CD86: variants seen among roughly 807,000 people sequenced by gnomAD.
CD86 encodes the protein T-lymphocyte activation antigen CD86.
CD86 carries 11 observed loss-of-function variants against 32.1 expected under a neutral mutation model. The observed-to-expected ratio is 0.34, with a 90% CI of 0.22 to 0.57. The LOEUF (loss-of-function observed/expected upper bound fraction) is 0.57. CD86 is among the 20% of genes least tolerant of loss of function. CD86 has a pLI of 0.86. For missense variants in CD86, 359 were observed against 398.4 expected (o/e 0.90, Z 0.84); for synonymous variants, 137 against 135.3 (o/e 1.01, Z -0.09).
chr3:122,065,809 G>A (rs781633229), intron 1 of CD86, among the ~76,000 whole-genome samples: 6 of 152,126 alleles, frequency 3.9e-5, no homozygotes, highest in Non-Finnish European at 8.8e-5. Context: ...AAGGCCGTTT[G>A]CATTCTGCTC....
chr3:122,081,667 C>T (rs75156611), intron 1 of CD86, among the ~76,000 whole-genome samples: 1 of 152,288 alleles, frequency 6.6e-6, no homozygotes, highest in East Asian at 1.9e-4. Flanking sequence ...GCTAACAGCC[C>T]TCATAAGTGG....
intron 1 of CD86, among the ~76,000 whole-genome samples, chr3:122,069,449 T>C (rs1465833679): frequency 2.0e-5 from 3 of 152,140 alleles, no homozygotes; most frequent in Non-Finnish European, 2.9e-5. Flanking sequence ...TGATTGCCAG[T>C]TCCTATGCAG....
intron 1 of CD86, among the ~76,000 whole-genome samples, chr3:122,056,849 T>C (rs2107492619): frequency 6.6e-6 from 1 of 152,260 alleles, no homozygotes; most frequent in Admixed American, 6.5e-5. Flanking sequence ...TGTGGTACCA[T>C]AGAGGGGATA....
At chr3:122,068,568 A>G (rs1413499405) in intron 1 of CD86, among the ~76,000 whole-genome samples, 1 of 152,210 alleles carries the variant, frequency 6.6e-6, no homozygotes, top group Non-Finnish European at 1.5e-5. Context: ...ATATTCTCAG[A>G]TAAAGATTGA....
chr3:122,115,435 A>T (rs2073235024), intron 5 of CD86, among the ~76,000 whole-genome samples: 1 of 152,208 alleles, frequency 6.6e-6, no homozygotes, highest in African/African-American at 2.4e-5. Context: ...ATTCTCTCCA[A>T]GTTGATCTAT....
In CD86 at chr3:122,085,822, A is replaced by C. The variant is rs188306084; in HGVS notation, c.15-5779A>C. 5.9e-5 allele frequency among the ~76,000 whole-genome samples: 9 copies of C among 152,312 alleles called. No homozygotes were observed. In the East Asian group the frequency reaches 1.7e-3, roughly 29 times the overall value. Reference sequence around the variant, plus strand: ...CAAGGCCCCAGGGAGCTGATGTTGCACTGGAGCTCTACTCTCCTCTCAGCG... The same window carrying C: ...CAAGGCCCCAGGGAGCTGATGTTGCCCTGGAGCTCTACTCTCCTCTCAGCG... On this transcript the variant is annotated intron_variant, in intron 1 of 6. Transcript: ENST00000330540.
At position 122,106,153 on chromosome 3, in the gene CD86, A is replaced by C. The variant is rs752513927; in HGVS notation, c.401-45A>C. On this transcript the variant is annotated intron_variant, in intron 3 of 6. Coordinates refer to ENST00000330540, the MANE Select transcript of CD86 (RefSeq NM_175862.5). ...TTATTTGCTATTCCCTCCTAGATAC[A>C]TCTAAACTTAGATTGATTTTTTTTT... The C allele has an allele frequency of 2.0e-5, 29 of 1,443,338 alleles. No individual in the cohort carries two copies. The South Asian group carries it at 3.4e-4, about 17-fold the overall frequency. The allele number at this position is 1,443,338 out of a possible 1,614,324, so 89.4% of individuals were successfully genotyped here.
At chr3:122,109,153 T>C (rs1250091905) in intron 4 of CD86, 112 bp from the exon 5 acceptor site, 2 of 1,120,112 alleles carry the variant, frequency 1.8e-6, no homozygotes, top group East Asian at 5.0e-5. Flanking sequence ...CAGGCTTCTC[T>C]GGCCTTAGAG....
chr3:122,060,036 AC>A (rs917286251), intron 1 of CD86, among the ~76,000 whole-genome samples: 1 of 152,128 alleles, frequency 6.6e-6, no homozygotes, highest in Admixed American at 6.6e-5. Context: ...TGTTTAAGCC[AC>A]CCCAGTTTGT....
intron 3 of CD86, among the ~76,000 whole-genome samples, chr3:122,105,056 T>A: frequency 6.6e-6 from 1 of 152,204 alleles, no homozygotes; most frequent in East Asian, 1.9e-4. Context: ...AATGGAGAGC[T>A]GCTCCCTTTG....
At chr3:122,105,180 A>T (rs1448559366) in intron 3 of CD86, among the ~76,000 whole-genome samples, 1 of 152,262 alleles carries the variant, frequency 6.6e-6, no homozygotes, top group Non-Finnish European at 1.5e-5. Flanking sequence ...GGTGGGACAC[A>T]GATAAGCATT....
At chr3:122,099,960 C>A (rs1014514144) in intron 2 of CD86, among the ~76,000 whole-genome samples, 3 of 152,060 alleles carry the variant, frequency 2.0e-5, no homozygotes, top group African/African-American at 7.2e-5. Context: ...AAGGAGTAAG[C>A]AAGAGCAAAA....
chr3:122,108,905 A>G (rs1333503722), intron 4 of CD86, among the ~76,000 whole-genome samples: 1 of 152,206 alleles, frequency 6.6e-6, no homozygotes, highest in African/African-American at 2.4e-5. Context: ...GGGGGGCAGG[A>G]TAGCAGGCAC....
At chr3:122,056,599 T>C (rs1182038142) in intron 1 of CD86, among the ~76,000 whole-genome samples, 2 of 152,208 alleles carry the variant, frequency 1.3e-5, no homozygotes. Flanking sequence ...CCCAAAGTGC[T>C]GGGATTACAG....
At chr3:122,098,405 T>C (rs2072942865) in intron 2 of CD86, among the ~76,000 whole-genome samples, 1 of 151,890 alleles carries the variant, frequency 6.6e-6, no homozygotes, top group South Asian at 2.1e-4. Flanking sequence ...TGTGTGATCT[T>C]TTGGAGGAAT....
chr3:122,077,738 G>A (rs982407837), intron 1 of CD86: 3 of 984,956 alleles, frequency 3.0e-6, no homozygotes, highest in East Asian at 1.1e-4. Flanking sequence ...TGCTCCGAGG[G>A]TACGTTTGTA....
In CD86 at chr3:122,120,617, C is replaced by A. The variant is rs1259610181; in HGVS notation, c.*1083C>A. 1 of 152,160 alleles carries A rather than the reference C, an allele frequency of 6.6e-6. No individual in the cohort carries two copies. Among genetic ancestry groups the A allele is most frequent in the Non-Finnish European group, 1.5e-5 (1 of 68,076 alleles). The allele number at this position is 152,160 out of a possible 1,614,324, so 9.4% of individuals were successfully genotyped here. A position where few individuals can be genotyped will look rare whatever the true frequency, so the allele number is the denominator to read the frequency against. On this transcript the variant is annotated 3_prime_UTR_variant, in exon 7 of 7. Transcript: ENST00000330540. Reference sequence around the variant, plus strand: ...TGGAAGCAGAGCTGGGGAGGGAGAGCCATCACCTTGATAATGGGATGAATG... The same window carrying A: ...TGGAAGCAGAGCTGGGGAGGGAGAGACATCACCTTGATAATGGGATGAATG...
At chr3:122,104,550 G>A (rs181788302) in intron 3 of CD86, among the ~76,000 whole-genome samples, 24 of 152,022 alleles carry the variant, frequency 1.6e-4, no homozygotes, top group Middle Eastern at 3.4e-3. Flanking sequence ...TTAGGTAACC[G>A]CCACAGGACA....
At chr3:122,058,152 C>T (rs2072267177) in intron 1 of CD86, among the ~76,000 whole-genome samples, 1 of 152,132 alleles carries the variant, frequency 6.6e-6, no homozygotes, top group African/African-American at 2.4e-5. Flanking sequence ...GATTAAGAAA[C>T]AGAGGAAAAG....
Sources: allele counts gnomAD v4.1 joint callset (sites outside exome capture counted in the v4.1 genomes callset), GRCh38; gene constraint gnomAD v4.1.1; transcripts MANE v1.5; gene names NCBI Gene and HGNC (gene_info 2026-07-23, HGNC 2026-07-21).